The following CD1A variants were observed in gnomAD, a reference collection of about 807,000 sequenced individuals.
CD1A encodes the protein CD1a molecule, also known as T-cell surface glycoprotein CD1a.
Under a neutral mutation model 38.3 loss-of-function variants are expected in CD1A, and 50 were observed. The ratio of observed to expected loss-of-function variants is 1.30; its 90% CI spans 1.04 to 1.65. The LOEUF is 1.65. CD1A is among the 40% of genes most tolerant of loss of function. The probability of loss-of-function intolerance (pLI) is 0.00; values close to 1 mark genes in which losing one functional copy is unlikely to be tolerated. For missense variants in CD1A, 459 were observed against 406.1 expected (o/e 1.13, Z -1.12); for synonymous variants, 160 against 150.8 (o/e 1.06, Z -0.45).
At chr1:158,257,289 T>C (rs996313508) in intron 4 of CD1A, 132 bp from the exon 5 acceptor site, 1 of 966,454 alleles carries the variant, frequency 1.0e-6, no homozygotes, top group Non-Finnish European at 1.6e-6. Flanking sequence ...GAGAAAAACA[T>C]AGAAAAAAAG....
Position 158,254,656 on chromosome 1 carries a change from C to T in CD1A, c.-14C>T. 6.2e-7 allele frequency: 1 copy of T among 1,614,012 alleles called. No individual in the cohort carries two copies. Among genetic ancestry groups the T allele is most frequent in the Non-Finnish European group, 8.5e-7 (1 of 1,179,960 alleles). Reference sequence around the variant, plus strand: ...CAATTTTTCTGAGAGAAGGAAATAACATCTGCAAATGATATGCTGTTTTTG... The same window carrying T: ...CAATTTTTCTGAGAGAAGGAAATAATATCTGCAAATGATATGCTGTTTTTG... On this transcript the variant is annotated 5_prime_UTR_variant, in exon 1 of 6. Transcript: ENST00000289429.
At chr1:158,251,056 G>A (rs2101627340), upstream of CD1A, among the ~76,000 whole-genome samples, 1 of 152,270 alleles carries the variant, frequency 6.6e-6, no homozygotes, top group Admixed American at 6.5e-5. Context: ...AAGCCTTACT[G>A]CTAACATAAA....
intron 3 of CD1A, 63 bp downstream of exon 3, chr1:158,256,345 C>A: frequency 6.7e-7 from 1 of 1,496,526 alleles, no homozygotes; most frequent in Non-Finnish European, 9.1e-7. Flanking sequence ...CCACCACCTC[C>A]TTCCAATTTA....
chr1:158,251,210 G>A (rs117513381), upstream of CD1A, among the ~76,000 whole-genome samples: 19 of 152,314 alleles, frequency 1.2e-4, no homozygotes, highest in East Asian at 3.9e-4. Context: ...TCACATGTTC[G>A]TCTTCATTGT....
upstream of CD1A, among the ~76,000 whole-genome samples, chr1:158,253,269 C>T (rs568784522): frequency 2.8e-3 from 430 of 152,096 alleles, no homozygotes; most frequent in Non-Finnish European, 5.0e-3. Context: ...TAAATGTGTC[C>T]GGCAAAGACT....
chr1:158,254,031 G>GCTTTTTTTTTT (rs1650154303), upstream of CD1A: 1 of 53,592 alleles, frequency 1.9e-5, no homozygotes, highest in Non-Finnish European at 2.8e-5. Flanking sequence ...TGTTCCTGTG[G>GCTTTTTTTTTT]TTTTTTTTTT....
intron 5 of CD1A, 34 bp downstream of exon 5, chr1:158,257,545 G>A (rs201390950): frequency 6.3e-7 from 1 of 1,588,414 alleles, no homozygotes; most frequent in Non-Finnish European, 8.6e-7. Flanking sequence ...CCTACTCTTA[G>A]CCTCTACCCC....
rs746460800 is a variant in CD1A at position 158,257,056 on chromosome 1, T to C, written c.875T>C (p.Leu292Pro). ...HSSLEGQDIV[L>P]YWEHHSSVGF... ...AGTCTAGAGGGCCAGGACATCGTCC[T>C]CTACTGGGGTGAGAAAAAGCTAAGG... is the stretch of plus-strand genomic sequence containing the variant. Residue 292 changes from leucine (L) to proline (P), a missense_variant, in exon 4 of 6, where the codon CTC (leucine) becomes CCC (proline). Leu to Pro is a moderately conservative substitution (Grantham distance 98). Transcript: ENST00000289429. The C allele has an allele frequency of 2.4e-5, 38 of 1,602,536 alleles. No homozygotes were observed. The Admixed American group carries it at 5.1e-4, about 21-fold the overall frequency.
chr1:158,248,925 G>C, the CD1A span, among the ~76,000 whole-genome samples: 1 of 152,152 alleles, frequency 6.6e-6, no homozygotes, highest in East Asian at 1.9e-4. Flanking sequence ...TGCTGCCTGC[G>C]TCTCTGATAA....
chr1:158,248,348 T>G, the CD1A span: 1 of 984,194 alleles, frequency 1.0e-6, no homozygotes, highest in Non-Finnish European at 1.2e-6. Flanking sequence ...ATCTGGGTTC[T>G]GAGGAGAGCT....
chr1:158,254,569 G>A lies in CD1A; in HGVS notation c.-101G>A. 1.9e-6 allele frequency: 3 copies of A among 1,589,994 alleles called. No individual in the cohort carries two copies. Among genetic ancestry groups the A allele is most frequent in the South Asian group, 1.1e-5 (1 of 88,070 alleles). On this transcript the variant is annotated 5_prime_UTR_variant, in exon 1 of 6. Transcript: ENST00000289429. ...GTCAGGGGAGGTTTGTCTGTTGGCT[G>A]CAGAAAGAAGTCAGAATAGAGATAT...
Position 158,254,606 on chromosome 1 carries a change from T to G in CD1A, c.-64T>G. 1 of 1,612,200 alleles carries G rather than the reference T, an allele frequency of 6.2e-7. No homozygotes were observed. Among genetic ancestry groups the G allele is most frequent in the South Asian group, 1.1e-5 (1 of 90,912 alleles). On this transcript the variant is annotated 5_prime_UTR_variant, in exon 1 of 6. Transcript: ENST00000289429. Reference sequence around the variant, plus strand: ...CAGAATAGAGATATCGTGGGGTAGGTTTGTTTGGAACAGAAATCAAAGACC... The same window carrying G: ...CAGAATAGAGATATCGTGGGGTAGGGTTGTTTGGAACAGAAATCAAAGACC...
chr1:158,250,592 A>G (rs1158829224), upstream of CD1A, among the ~76,000 whole-genome samples: 2 of 152,100 alleles, frequency 1.3e-5, no homozygotes, highest in Non-Finnish European at 2.9e-5. Flanking sequence ...GTCTTCCCCA[A>G]CCATTTCTGC....
Position 158,254,690 on chromosome 1 carries a change from A to C in CD1A, c.21A>C (p.Pro7=), listed in dbSNP as rs773760237. 4 of 1,613,884 alleles carry C rather than the reference A, an allele frequency of 2.5e-6. No individual in the cohort carries two copies. In the South Asian group the frequency reaches 4.4e-5, roughly 18 times the overall value. MLFLLL[P]LLAVLPGDGN... ...ATGATATGCTGTTTTTGCTACTTCC[A>C]TTGTTAGCTGTTCTCCCAGGTGATG... is the stretch of plus-strand genomic sequence containing the variant. The change falls in exon 1 of 6, where the codon CCA becomes CCC. Residue 7 remains proline (P), a synonymous_variant. Transcript: ENST00000289429.
Position 158,257,780 on chromosome 1 carries a change from A to G in CD1A, c.*90A>G. 9.2e-7 allele frequency: 1 copy of G among 1,088,972 alleles called. No homozygotes were observed. The highest frequency in any genetic ancestry group is 1.4e-6 in the Non-Finnish European group (1 of 717,072). 67.5% of individuals were successfully genotyped at this position (1,088,972 alleles called of 1,614,324 possible). A position where few individuals can be genotyped will look rare whatever the true frequency, so the allele number is the denominator to read the frequency against. On this transcript the variant is annotated 3_prime_UTR_variant, in exon 6 of 6. Coordinates refer to ENST00000289429, the MANE Select transcript of CD1A (RefSeq NM_001763.3). ...TCCAGACACACCTGAACACATCGTG[A>G]TGATGACGTCCTCTCAACTCTCTTT...
chr1:158,248,443 T>C, the CD1A span: 1 of 984,018 alleles, frequency 1.0e-6, no homozygotes, highest in Non-Finnish European at 1.2e-6. Context: ...AGGAACATGC[T>C]TTTGGCCTGA....
upstream of CD1A, among the ~76,000 whole-genome samples, chr1:158,250,224 A>T (rs1650048731): frequency 6.6e-6 from 1 of 152,200 alleles, no homozygotes; most frequent in Non-Finnish European, 1.5e-5. Flanking sequence ...GGAGGGCAAG[A>T]ATTGCCTGTG....
chr1:158,254,359 GT>G, upstream of CD1A: 1 of 1,216,170 alleles, frequency 8.2e-7, no homozygotes, highest in Non-Finnish European at 1.0e-6. Context: ...GTCCTTAGTG[GT>G]TAAGTGGCTT....
chr1:158,251,816 C>A (rs190708905), upstream of CD1A, among the ~76,000 whole-genome samples: 68 of 152,106 alleles, frequency 4.5e-4, no homozygotes, highest in African/African-American at 1.5e-3. Flanking sequence ...CACATATGCC[C>A]TGAGGGCAGC....
Sources: allele counts gnomAD v4.1 joint callset (sites outside exome capture counted in the v4.1 genomes callset), GRCh38; gene constraint gnomAD v4.1.1; transcripts MANE v1.5; gene names NCBI Gene and HGNC (gene_info 2026-07-23, HGNC 2026-07-21).